ZNF787: variants seen among roughly 807,000 people sequenced by gnomAD.
ZNF787 encodes the protein TTF-I-interacting peptide 20.
In ZNF787, 7 loss-of-function variants were observed where a neutral mutation model predicts 16.9. The ratio of observed to expected loss-of-function variants is 0.42; its 90% CI spans 0.24 to 0.78. The LOEUF (loss-of-function observed/expected upper bound fraction) is 0.78, where lower values mean the gene tolerates loss of function less well. Ranked by LOEUF, ZNF787 falls within the 30% of genes least tolerant of loss-of-function variation. The pLI is 0.30. For missense variants in ZNF787, 551 were observed against 589.3 expected (o/e 0.94, Z 0.67); for synonymous variants, 345 against 270.9 (o/e 1.27, Z -2.69).
intron 2 of ZNF787, among the ~76,000 whole-genome samples, chr19:56,090,587 C>T (rs1387463408): frequency 6.6e-6 from 1 of 152,052 alleles, no homozygotes; most frequent in Admixed American, 6.6e-5. Flanking sequence ...TTTAGGAGGC[C>T]GAGGTGGGCA....
chr19:56,090,067 A>G (rs189359137), intron 2 of ZNF787, among the ~76,000 whole-genome samples: 91 of 152,282 alleles, frequency 6.0e-4, no homozygotes, highest in African/African-American at 2.1e-3. Context: ...TTTCAAAGCC[A>G]TGAATCACAA....
At chr19:56,097,566 G>A (rs1985918435) in intron 2 of ZNF787, among the ~76,000 whole-genome samples, 1 of 152,256 alleles carries the variant, frequency 6.6e-6, no homozygotes, top group Admixed American at 6.5e-5. Context: ...ACGGAATGGA[G>A]GCAGGAGGAG....
intron 1 of ZNF787, among the ~76,000 whole-genome samples, chr19:56,107,490 GGAGACACGGGGTCACTGT>G (rs1296862575): frequency 1.5e-4 from 17 of 116,206 alleles, no homozygotes; most frequent in African/African-American, 5.2e-4. Context: ...GGGGTCACCG[GGAGACACGGGGTCACTGT>G]GAGACAATGG....
chr19:56,093,758 T>G (rs540915491), intron 2 of ZNF787, among the ~76,000 whole-genome samples: 4 of 152,342 alleles, frequency 2.6e-5, no homozygotes, highest in African/African-American at 7.2e-5. Context: ...AGTCCGAGCA[T>G]AGTCATGTTG....
At chr19:56,098,821 TTACGGCCGCAGGGTGA>T (rs151030732) in intron 2 of ZNF787, among the ~76,000 whole-genome samples, 2,129 of 116,154 alleles carry the variant, frequency 0.018, 59 homozygotes, top group African/African-American at 0.052. Flanking sequence ...GCCCGGGTGA[TTACGGCCGCAGGGTGA>T]TACGGCCGCA....
intron 2 of ZNF787, among the ~76,000 whole-genome samples, chr19:56,092,048 CT>C (rs1568523629): frequency 5.4e-5 from 8 of 148,566 alleles, no homozygotes; most frequent in African/African-American, 2.0e-4. Context: ...AAGCCGAAGC[CT>C]CACCCTCACC....
chr19:56,110,853 C>G (rs891438129), intron 1 of ZNF787, among the ~76,000 whole-genome samples: 1 of 152,226 alleles, frequency 6.6e-6, no homozygotes, highest in Admixed American at 6.5e-5. Flanking sequence ...GATCACCTCT[C>G]ACTCAGCAGG....
At chr19:56,096,928 C>T (rs899801480) in intron 2 of ZNF787, among the ~76,000 whole-genome samples, 1 of 152,066 alleles carries the variant, frequency 6.6e-6, no homozygotes, top group African/African-American at 2.4e-5. Flanking sequence ...TGTCGCTGCC[C>T]GGTCCCACAC....
In ZNF787 at chr19:56,088,489, G is replaced by A. The variant is rs2123385802; in HGVS notation, c.683C>T (p.Ala228Val). 9 of 1,369,862 alleles carry A rather than the reference G, an allele frequency of 6.6e-6. No individual in the cohort carries two copies. Among genetic ancestry groups the A allele is most frequent in the African/African-American group, 1.6e-5 (1 of 64,406 alleles). 84.9% of individuals were successfully genotyped at this position (1,369,862 alleles called of 1,614,324 possible). Residue 228 changes from alanine (A) to valine (V), a missense_variant, in exon 3 of 3, where the codon GCG becomes GTG. Physicochemically the swap from Ala to Val is moderately conservative, Grantham distance 64 (BLOSUM62 0). This residue lies in a region of ZNF787 where 392 missense variants were observed against 312.7 expected (regional missense o/e 1.25). Coordinates refer to ENST00000610935, the MANE Select transcript of ZNF787 (RefSeq NM_001002836.4). This position sits in a 1 kb window ranked among gnomAD's most constrained non-coding sequence, Gnocchi z 8.6. Reference protein sequence around the residue: ...RRAKGPEEAVAADGEIAIPVG... With the variant: ...RRAKGPEEAVVADGEIAIPVG... ...GGGGATGGCGATCTCGCCGTCCGCCGCCACCGCCTCTTCGGGCCCCTTGGC... is the reference window on the plus strand; with the variant it reads ...GGGGATGGCGATCTCGCCGTCCGCCACCACCGCCTCTTCGGGCCCCTTGGC...
intron 1 of ZNF787, among the ~76,000 whole-genome samples, chr19:56,115,720 G>A: frequency 6.6e-6 from 1 of 152,118 alleles, no homozygotes; most frequent in East Asian, 1.9e-4. Flanking sequence ...AGCGACGGCA[G>A]AGACAGCTCA....
rs1019366870 is a variant in ZNF787, at chr19:56,108,599, T to C, written c.-10-5372A>G. ...GGCCTGTCCTCCCGGCACCCTGTCA[T>C]GTCAGGGCCCGCTCTGACACCCATG... On this transcript the variant is annotated intron_variant, in intron 1 of 2. Transcript: ENST00000610935. Among the ~76,000 whole-genome samples the C allele has an allele frequency of 9.2e-5, 14 of 152,178 alleles. No homozygotes were observed. In the South Asian group the frequency reaches 2.7e-3, roughly 29 times the overall value.
intron 2 of ZNF787, among the ~76,000 whole-genome samples, chr19:56,089,727 T>C (rs1599937309): frequency 1.3e-5 from 2 of 152,294 alleles, no homozygotes; most frequent in Admixed American, 6.5e-5. Flanking sequence ...ACAGAGGCTA[T>C]GGTCAGCCCC....
At chr19:56,093,699 T>TC (rs1985751864) in intron 2 of ZNF787, among the ~76,000 whole-genome samples, 1 of 152,150 alleles carries the variant, frequency 6.6e-6, no homozygotes, top group Non-Finnish European at 1.5e-5. Context: ...CATCTGAAGG[T>TC]CCCTTTTCCG....
chr19:56,106,529 G>A (rs1986320642), intron 1 of ZNF787, among the ~76,000 whole-genome samples: 1 of 152,240 alleles, frequency 6.6e-6, no homozygotes, highest in Non-Finnish European at 1.5e-5. Flanking sequence ...GTGGAGGCGG[G>A]CACAACCCTC....
chr19:56,087,888 AG>A lies in ZNF787; in HGVS notation c.*134del. ...CCCCCCACGGACGGCGCAGGGACAGAGGAGGGCGGGGAGCCGGGGATGCCGC... is the reference window on the plus strand; with the variant it reads ...CCCCCCACGGACGGCGCAGGGACAGAGAGGGCGGGGAGCCGGGGATGCCGC... On this transcript the variant is annotated 3_prime_UTR_variant, in exon 3 of 3. Transcript: ENST00000610935. 7.9e-7 allele frequency: 1 copy of A among 1,260,198 alleles called. No individual in the cohort carries two copies. Among genetic ancestry groups the A allele is most frequent in the Non-Finnish European group, 1.0e-6 (1 of 998,594 alleles). The allele number at this position is 1,260,198 out of a possible 1,614,324, so 78.1% of individuals were successfully genotyped here. A position where few individuals can be genotyped will look rare whatever the true frequency, so the allele number is the denominator to read the frequency against.
Position 56,087,886 on chromosome 19 carries a change from AGAG to A in ZNF787, c.*134_*136del, listed in dbSNP as rs970827229. On this transcript the variant is annotated 3_prime_UTR_variant, in exon 3 of 3. Transcript: ENST00000610935. ...GCCCCCCCACGGACGGCGCAGGGAC[AGAG>A]GAGGGCGGGGAGCCGGGGATGCCGC... is the stretch of plus-strand genomic sequence containing the variant. 342 of 1,256,988 alleles carry A rather than the reference AGAG, an allele frequency of 2.7e-4. No individual in the cohort carries two copies. The highest frequency in any genetic ancestry group is 8.3e-4 in the East Asian group (23 of 27,816). 77.9% of individuals were successfully genotyped at this position (1,256,988 alleles called of 1,614,324 possible).
chr19:56,115,109 G>A (rs1392173347), intron 1 of ZNF787, among the ~76,000 whole-genome samples: 1 of 151,938 alleles, frequency 6.6e-6, no homozygotes, highest in Non-Finnish European at 1.5e-5. Flanking sequence ...ACACCACGGA[G>A]ATCCCAGGCC....
chr19:56,113,100 T>A (rs1486289524), intron 1 of ZNF787, among the ~76,000 whole-genome samples: 2 of 152,014 alleles, frequency 1.3e-5, no homozygotes, highest in African/African-American at 4.8e-5. Flanking sequence ...GGGCAAAGGA[T>A]CCGAGAAAGC....
At chr19:56,096,333 A>T (rs1406476216) in intron 2 of ZNF787, among the ~76,000 whole-genome samples, 2 of 151,168 alleles carry the variant, frequency 1.3e-5, no homozygotes, top group African/African-American at 4.9e-5. Flanking sequence ...GTGGAAGGAC[A>T]GCTTGAGCCC....
Sources: allele counts gnomAD v4.1 joint callset (sites outside exome capture counted in the v4.1 genomes callset), GRCh38; gene constraint gnomAD v4.1.1; regional missense constraint gnomAD v4.1.1; non-coding constraint Gnocchi (gnomAD v3.1); transcripts MANE v1.5; gene names NCBI Gene and HGNC (gene_info 2026-07-23, HGNC 2026-07-21).